Variants in LRP1 observed in about 807,000 individuals in gnomAD.
The protein encoded by LRP1 is prolow-density lipoprotein receptor-related protein 1.
LRP1 carries 51 observed loss-of-function variants against 541.5 expected under a neutral mutation model. That is an observed-to-expected ratio of 0.09 (90% confidence interval 0.08 to 0.12). The LOEUF (loss-of-function observed/expected upper bound fraction) is 0.12, where lower values mean the gene tolerates loss of function less well. Ranked by LOEUF, LRP1 falls within the 10% of genes least tolerant of loss-of-function variation. The probability of loss-of-function intolerance (pLI) is 1.00; values close to 1 mark genes in which losing one functional copy is unlikely to be tolerated. For synonymous variants in LRP1, 2,219 were observed against 2,470.8 expected, an observed-to-expected ratio of 0.90 and a Z score of 3.02; for missense variants, 3,878 against 6,376.2, an observed-to-expected ratio of 0.61 and a Z score of 13.34.
chr12:57,200,826 G>GGGGGGGGCGC lies in LRP1; in HGVS notation c.10225+11_10225+12insGGGGGGGCGC. On this transcript the variant is annotated intron_variant, in intron 64 of 88. Transcript: ENST00000243077. ...ACGAGGCCAACTGTGGTAAGGCGCT[G>GGGGGGGGCGC]CCCGCCCACCCTCCCTCCTTCCCCA... is the stretch of plus-strand genomic sequence containing the variant. 2 of 1,581,432 alleles carry GGGGGGGGCGC rather than the reference G, an allele frequency of 1.3e-6. No individual in the cohort carries two copies. Among genetic ancestry groups the GGGGGGGGCGC allele is most frequent in the Non-Finnish European group, 1.7e-6 (2 of 1,157,674 alleles).
At chr12:57,180,881 G>A in intron 33 of LRP1, 74 bp downstream of exon 33, 1 of 1,586,148 alleles carries the variant, frequency 6.3e-7, no homozygotes, top group South Asian at 1.1e-5. Flanking sequence ...AGGCTGCAGG[G>A]CCATGGGGCA....
intron 6 of LRP1, among the ~76,000 whole-genome samples, chr12:57,148,452 C>T (rs1036919316): frequency 6.6e-6 from 1 of 152,108 alleles, no homozygotes; most frequent in African/African-American, 2.4e-5. Context: ...CTCTCACCCC[C>T]ACCTCTGACC....
rs1413515280 is a variant in LRP1, at chr12:57,154,483, G to A, written c.1009G>A (p.Val337Met). The A allele has an allele frequency of 2.5e-6, 4 of 1,612,612 alleles. No individual in the cohort carries two copies. Among genetic ancestry groups the A allele is most frequent in the Non-Finnish European group, 2.5e-6 (3 of 1,178,758 alleles). The change falls in exon 8 of 89, where the codon GTG becomes ATG. Residue 337 changes from valine to methionine, a missense_variant. This residue lies in a region of LRP1 where 496 missense variants were observed against 861.0 expected (regional missense o/e 0.58). Coordinates refer to ENST00000243077, the MANE Select transcript of LRP1 (RefSeq NM_002332.3). The surrounding 1 kb of genome is among the most constrained non-coding windows in gnomAD (Gnocchi z 4.6). ...GIALDPAMGKVFFTDYGQIPK... is the reference protein window; with the variant it reads ...GIALDPAMGKMFFTDYGQIPK... ...TTAACATGCATCTTCCCACAGGAAG[G>A]TGTTTTTCACTGACTATGGGCAGAT...
intron 19 of LRP1, among the ~76,000 whole-genome samples, chr12:57,168,421 G>A (rs751261497): frequency 3.3e-5 from 5 of 152,172 alleles, no homozygotes; most frequent in Non-Finnish European, 7.3e-5. Flanking sequence ...GGCAGAGGGA[G>A]CCTCTGAGGA....
rs769562048 is a variant in LRP1, at chr12:57,205,655, G to A, written c.11568G>A (p.Thr3856=). 5.6e-6 allele frequency: 9 copies of A among 1,612,352 alleles called. No homozygotes were observed. The African/African-American group carries it at 6.7e-5, about 12-fold the overall frequency. The change falls in exon 75 of 89, where the codon ACG becomes ACA. Residue 3856 remains threonine (T), a synonymous_variant. Coordinates refer to ENST00000243077, the MANE Select transcript of LRP1 (RefSeq NM_002332.3). The surrounding 1 kb of genome is among the most constrained non-coding windows in gnomAD (Gnocchi z 4.6). The part of the protein sequence containing the change: ...LCSCARNFMK[T]HNTCKAEGSE... Reference sequence around the variant, plus strand: ...GCTGCGCTCGGAACTTCATGAAGACGCACAACACCTGCAAGGCCGAAGGTG... The same window carrying A: ...GCTGCGCTCGGAACTTCATGAAGACACACAACACCTGCAAGGCCGAAGGTG...
rs1409483164 is a variant in LRP1, at chr12:57,199,350, T to A, written c.9815T>A (p.Leu3272Gln). The A allele has an allele frequency of 1.2e-6, 2 of 1,612,928 alleles. No individual in the cohort carries two copies. Among genetic ancestry groups the A allele is most frequent in the Non-Finnish European group, 1.7e-6 (2 of 1,179,842 alleles). The change falls in exon 61 of 89, where the codon CTG becomes CAG. Residue 3272 changes from leucine (L) to glutamine (Q), a missense_variant. This residue lies in a region of LRP1 where 1,100 missense variants were observed against 1,827.4 expected (regional missense o/e 0.60). Transcript: ENST00000243077. The part of the protein sequence containing the change: ...GTNKTLLIST[L>Q]HRPMDLHVFH... ...AACAAAACGCTCCTCATCAGCACGC[T>A]GCACCGGCCCATGGACCTGCATGTC...
intron 6 of LRP1, chr12:57,147,661 C>G (rs565208801): frequency 9.2e-5 from 14 of 152,116 alleles, no homozygotes; most frequent in Non-Finnish European, 1.6e-4. Context: ...TTCGAGCCAG[C>G]GAGGCCAGCC....
Position 57,156,300 on chromosome 12 carries a change from G to C in LRP1, c.1417+17G>C. 1.2e-6 allele frequency: 2 copies of C among 1,612,646 alleles called. No individual in the cohort carries two copies. The highest frequency in any genetic ancestry group is 2.2e-5 in the South Asian group (2 of 90,948). On this transcript the variant is annotated intron_variant, in intron 9 of 88. Transcript: ENST00000243077. The surrounding 1 kb of genome is among the most constrained non-coding windows in gnomAD (Gnocchi z 5.2). ...AGCCCCGAGGTGAGCAGGGCTCCAT[G>C]GCCCCTCCAAAGCTGGCTTTACCCC...
At position 57,204,983 on chromosome 12, in the gene LRP1, T is replaced by C. The variant is rs1331765682; in HGVS notation, c.11195-126T>C. ...TTGGAGGTGGGGCTGGGAACCCAAA[T>C]GTTTGACCTGCTCCCCCTGCAAGCC... is the stretch of plus-strand genomic sequence containing the variant. On this transcript the variant is annotated intron_variant, in intron 72 of 88. Transcript: ENST00000243077. The surrounding 1 kb of genome is among the most constrained non-coding windows in gnomAD (Gnocchi z 5.3). The C allele has an allele frequency of 6.9e-7, 1 of 1,440,066 alleles. No individual in the cohort carries two copies. The highest frequency in any genetic ancestry group is 9.4e-7 in the Non-Finnish European group (1 of 1,064,628). The allele number at this position is 1,440,066 out of a possible 1,614,324, so 89.2% of individuals were successfully genotyped here. A position where few individuals can be genotyped will look rare whatever the true frequency, so the allele number is the denominator to read the frequency against.
Position 57,213,271 on chromosome 12 carries a change from A to C in LRP1, c.*716A>C, listed in dbSNP as rs2036957746. On this transcript the variant is annotated 3_prime_UTR_variant, in exon 89 of 89. Coordinates refer to ENST00000243077, the MANE Select transcript of LRP1 (RefSeq NM_002332.3). Reference sequence around the variant, plus strand: ...CGGGCAGCCCCGTTTTGGGGACGTGAACGTTTTAATAATTTTTGCTGAATT... The same window carrying C: ...CGGGCAGCCCCGTTTTGGGGACGTGCACGTTTTAATAATTTTTGCTGAATT... 6.9e-6 allele frequency: 1 copy of C among 145,598 alleles called. No homozygotes were observed. Among genetic ancestry groups the C allele is most frequent in the Non-Finnish European group, 1.5e-5 (1 of 67,200 alleles). 9.0% of individuals were successfully genotyped at this position (145,598 alleles called of 1,614,324 possible).
chr12:57,188,791 T>C (rs1281957522), intron 42 of LRP1, among the ~76,000 whole-genome samples: 1 of 152,168 alleles, frequency 6.6e-6, no homozygotes, highest in African/African-American at 2.4e-5. Context: ...GGCTGTGTGC[T>C]GAGGACTGGC....
At chr12:57,203,364 C>T (rs760234589) in intron 69 of LRP1, 25 bp from the exon 70 acceptor site, 27 of 1,594,354 alleles carry the variant, frequency 1.7e-5, no homozygotes, top group East Asian at 6.8e-5. Context: ...GAGAGGTGAC[C>T]GGCTGCCTGT....
Position 57,165,724 on chromosome 12 carries a change from A to G in LRP1, c.2531-81A>G. The G allele has an allele frequency of 3.5e-6, 5 of 1,436,596 alleles. No homozygotes were observed. Among genetic ancestry groups the G allele is most frequent in the Non-Finnish European group, 4.7e-6 (5 of 1,052,688 alleles). The allele number at this position is 1,436,596 out of a possible 1,614,324, so 89.0% of individuals were successfully genotyped here. ...GTATTATTAAAAAATAGTAAAACAA[A>G]CAAAAATGGTGCAAAGGGCTTAGTA... On this transcript the variant is annotated intron_variant, in intron 15 of 88. Transcript: ENST00000243077. This position sits in a 1 kb window ranked among gnomAD's most constrained non-coding sequence, Gnocchi z 4.5.
At chr12:57,159,348 A>G (rs1411798555) in intron 11 of LRP1, among the ~76,000 whole-genome samples, 1 of 152,228 alleles carries the variant, frequency 6.6e-6, no homozygotes, top group Non-Finnish European at 1.5e-5. Flanking sequence ...CTCATCAGGA[A>G]AAGATTAGGG....
In LRP1 at chr12:57,197,413, G is replaced by A. The variant is rs2036559828; in HGVS notation, c.9162+29G>A. On this transcript the variant is annotated intron_variant, in intron 57 of 88. Coordinates refer to ENST00000243077, the MANE Select transcript of LRP1 (RefSeq NM_002332.3). The surrounding 1 kb of genome is among the most constrained non-coding windows in gnomAD (Gnocchi z 4.5). ...CCAAACCCAGGCCCTCCTCCCCGCT[G>A]CCCATCTCCCAGACCCAGCACAGCC... 1.2e-6 allele frequency: 2 copies of A among 1,609,992 alleles called. No homozygotes were observed. The highest frequency in any genetic ancestry group is 2.2e-5 in the South Asian group (2 of 90,922).
intron 8 of LRP1, 123 bp from the exon 9 acceptor site, chr12:57,155,971 A>T (rs1362905276): frequency 4.0e-6 from 3 of 752,832 alleles, no homozygotes; most frequent in Non-Finnish European, 6.6e-6. Context: ...AATAAAAATT[A>T]AAAACTACAG....
intron 6 of LRP1, among the ~76,000 whole-genome samples, chr12:57,150,230 C>T (rs1234563895): frequency 1.0e-4 from 12 of 119,796 alleles, no homozygotes; most frequent in Admixed American, 2.9e-4. Flanking sequence ...CTCACTCTGT[C>T]GCCCAGGCTG....
At chr12:57,129,815 G>T (rs879377690) in intron 1 of LRP1, among the ~76,000 whole-genome samples, 1 of 152,172 alleles carries the variant, frequency 6.6e-6, no homozygotes, top group Non-Finnish European at 1.5e-5. Context: ...GTAGGAGGGT[G>T]GGGGAGGCTG....
chr12:57,138,662 C>A (rs993565194), intron 2 of LRP1, 81 bp downstream of exon 2: 21 of 1,567,844 alleles, frequency 1.3e-5, no homozygotes, highest in Middle Eastern at 1.8e-4. Flanking sequence ...AGGAGGACAG[C>A]TGATCCCTAG....
Sources: allele counts gnomAD v4.1 joint callset (sites outside exome capture counted in the v4.1 genomes callset), GRCh38; gene constraint gnomAD v4.1.1; regional missense constraint gnomAD v4.1.1; non-coding constraint Gnocchi (gnomAD v3.1); transcripts MANE v1.5; gene names NCBI Gene and HGNC (gene_info 2026-07-23, HGNC 2026-07-21).